Variants in FIGNL2 observed in about 807,000 individuals in gnomAD.
The protein encoded by FIGNL2 is fidgetin like 2.
For synonymous variants in FIGNL2, 565 were observed against 484.0 expected (o/e 1.17, Z -2.20); for missense variants, 1,060 against 950.2 (o/e 1.12, Z -1.52).
Position 51,848,648 on chromosome 12 carries a change from G to A in FIGNL2, c.-120C>T, listed in dbSNP as rs1383034022. ...GGGGGCGACAGGCCTGGGCTGGGGG[G>A]CAGTGGCGCTCACCATCCTGGAGCC... On this transcript the variant is annotated 5_prime_UTR_variant, in exon 1 of 2. Transcript: ENST00000618634. 8.8e-6 allele frequency: 5 copies of A among 569,300 alleles called. No homozygotes were observed. The highest frequency in any genetic ancestry group is 1.4e-4 in the East Asian group (1 of 6,944). The allele number at this position is 569,300 out of a possible 1,614,324, so 35.3% of individuals were successfully genotyped here.
At chr12:51,846,625 G>A (rs1402039078) in intron 1 of FIGNL2, among the ~76,000 whole-genome samples, 1 of 151,764 alleles carries the variant, frequency 6.6e-6, no homozygotes, top group East Asian at 1.9e-4. Flanking sequence ...GGGATCCTCA[G>A]CCCAGCCCTC....
intron 1 of FIGNL2, among the ~76,000 whole-genome samples, chr12:51,830,516 G>T (rs1485660913): frequency 1.4e-5 from 2 of 141,128 alleles, no homozygotes; most frequent in Middle Eastern, 3.7e-3. Context: ...TTTTGAGATG[G>T]AGTCTCACAC....
chr12:51,821,682 C>T lies in FIGNL2; in HGVS notation c.732G>A (p.Pro244=), dbSNP rs1350544945. The change falls in exon 2 of 2, where the codon CCG becomes CCA. Residue 244 remains proline, a synonymous_variant. Coordinates refer to ENST00000618634, the MANE Select transcript of FIGNL2 (RefSeq NM_001384995.1). ...GGAAGCCATAGGCGGTGGGCGGTGC[C>T]GGCGCGGGCAGGGGCGTGGGCGCGG... The part of the protein sequence containing the change: ...GLPAPTPLPA[P]APPTAYGFPT... 8 of 1,360,356 alleles carry T rather than the reference C, an allele frequency of 5.9e-6. No individual in the cohort carries two copies. The highest frequency in any genetic ancestry group is 7.5e-6 in the Non-Finnish European group (8 of 1,063,412). The allele number at this position is 1,360,356 out of a possible 1,614,324, so 84.3% of individuals were successfully genotyped here.
chr12:51,820,986 G>C lies in FIGNL2; in HGVS notation c.1428C>G (p.Ala476=). The change falls in exon 2 of 2, where the codon GCC becomes GCG. Residue 476 remains alanine, a synonymous_variant. Transcript: ENST00000618634. ...AAEGARLLQA[A]FAAARCRPPS... ...GTGGGCGGCAGCGCGCGGCCGCGAA[G>C]GCGGCCTGGAGGAGGCGCGCGCCCT... is the stretch of plus-strand genomic sequence containing the variant. The C allele has an allele frequency of 8.3e-7, 1 of 1,211,694 alleles. No homozygotes were observed. Among genetic ancestry groups the C allele is most frequent in the Non-Finnish European group, 1.0e-6 (1 of 977,226 alleles). 75.1% of individuals were successfully genotyped at this position (1,211,694 alleles called of 1,614,324 possible).
intron 1 of FIGNL2, among the ~76,000 whole-genome samples, chr12:51,830,571 A>G (rs1390617088): frequency 6.9e-6 from 1 of 145,324 alleles, no homozygotes. Flanking sequence ...GGCTCACTGC[A>G]ACCTCCCCCT....
In FIGNL2 at chr12:51,821,096, G is replaced by A. The variant is rs1408226823; in HGVS notation, c.1318C>T (p.Leu440=). ...LFGPRGAGKA[L]LGRCLATQLG... ...TGCGTGGCGAGGCAGCGGCCCAGCA[G>A]CGCTTTGCCCGCGCCCCGCGGCCCA... Residue 440 remains leucine, a synonymous_variant, in exon 2 of 2, where the codon CTG becomes TTG. Coordinates refer to ENST00000618634, the MANE Select transcript of FIGNL2 (RefSeq NM_001384995.1). 1 of 1,366,442 alleles carries A rather than the reference G, an allele frequency of 7.3e-7. No homozygotes were observed. The highest frequency in any genetic ancestry group is 9.3e-7 in the Non-Finnish European group (1 of 1,070,010). 84.6% of individuals were successfully genotyped at this position (1,366,442 alleles called of 1,614,324 possible).
intron 1 of FIGNL2, among the ~76,000 whole-genome samples, chr12:51,839,292 T>C (rs1290089158): frequency 3.9e-5 from 6 of 152,060 alleles, no homozygotes; most frequent in Admixed American, 3.9e-4. Context: ...GGAAAACATC[T>C]CCACCTCCTC....
At chr12:51,832,938 C>T (rs1939499715) in intron 1 of FIGNL2, among the ~76,000 whole-genome samples, 1 of 152,206 alleles carries the variant, frequency 6.6e-6, no homozygotes, top group Admixed American at 6.5e-5. Flanking sequence ...ACCTTGCGGT[C>T]ATCCTTAACT....
At chr12:51,835,995 T>G (rs1939573087) in intron 1 of FIGNL2, among the ~76,000 whole-genome samples, 2 of 152,110 alleles carry the variant, frequency 1.3e-5, no homozygotes, top group Middle Eastern at 3.4e-3. Flanking sequence ...ATTTTTAGTA[T>G]AGACAGGGTT....
At chr12:51,831,864 A>G (rs1939478899) in intron 1 of FIGNL2, 1 of 154,104 alleles carries the variant, frequency 6.5e-6, no homozygotes, top group Non-Finnish European at 1.5e-5. Context: ...TTTTTGAGAC[A>G]AGGTCTTGCT....
chr12:51,848,336 C>G (rs1415635739), intron 1 of FIGNL2: 28 of 982,862 alleles, frequency 2.8e-5, no homozygotes, highest in Non-Finnish European at 3.1e-5. Context: ...CCCCCTCCCC[C>G]CGAGAAGTGA....
At position 51,822,303 on chromosome 12, in the gene FIGNL2, C is replaced by G; in HGVS notation, c.111G>C (p.Gly37=). ...SPAHKLELPP[G]GRQRCHYAWA... ...AAGCGTAGTGGCAGCGTTGGCGACC[C>G]CCAGGGGGCAACTCCAACTTGTGGG... is the stretch of plus-strand genomic sequence containing the variant. Residue 37 remains glycine (G), a synonymous_variant, in exon 2 of 2, where the codon GGG becomes GGC. Coordinates refer to ENST00000618634, the MANE Select transcript of FIGNL2 (RefSeq NM_001384995.1). The G allele has an allele frequency of 3.7e-6, 6 of 1,612,218 alleles. No homozygotes were observed. Among genetic ancestry groups the G allele is most frequent in the Non-Finnish European group, 5.1e-6 (6 of 1,179,320 alleles).
rs1048229333 is a variant in FIGNL2 at position 51,848,580 on chromosome 12, T to C, written c.-52A>G. The C allele has an allele frequency of 5.1e-6, 5 of 978,744 alleles. No individual in the cohort carries two copies. The highest frequency in any genetic ancestry group is 1.8e-5 in the African/African-American group (1 of 56,496). The allele number at this position is 978,744 out of a possible 1,614,324, so 60.6% of individuals were successfully genotyped here. On this transcript the variant is annotated 5_prime_UTR_variant, in exon 1 of 2. Coordinates refer to ENST00000618634, the MANE Select transcript of FIGNL2 (RefSeq NM_001384995.1). ...GGGTCCTAGGTGAGTGTGCGCGGCCTGGGGGCGCGTCCGGCCCGGGGACCG... is the reference window on the plus strand; with the variant it reads ...GGGTCCTAGGTGAGTGTGCGCGGCCCGGGGGCGCGTCCGGCCCGGGGACCG...
intron 1 of FIGNL2, among the ~76,000 whole-genome samples, chr12:51,843,171 CGCGGGAGCAGCTGAGGT>C (rs1939689281): frequency 6.6e-6 from 1 of 152,102 alleles, no homozygotes; most frequent in South Asian, 2.1e-4. Context: ...GCTGGACACC[CGCGGGAGCAGCTGAGGT>C]TCACCCAGAG....
At chr12:51,827,874 T>C (rs999003725) in intron 1 of FIGNL2, among the ~76,000 whole-genome samples, 12 of 152,204 alleles carry the variant, frequency 7.9e-5, no homozygotes, top group African/African-American at 2.7e-4. Flanking sequence ...AATACTGTTA[T>C]TGTCATCCCC....
At chr12:51,829,945 T>C (rs2138984812) in intron 1 of FIGNL2, among the ~76,000 whole-genome samples, 1 of 152,142 alleles carries the variant, frequency 6.6e-6, no homozygotes, top group Middle Eastern at 3.4e-3. Context: ...AGAGATCTAT[T>C]GTTAAATATG....
In FIGNL2 at chr12:51,820,408, G is replaced by A. The variant is rs760147863; in HGVS notation, c.*44C>T. The A allele has an allele frequency of 3.4e-5, 53 of 1,552,208 alleles. No homozygotes were observed. The highest frequency in any genetic ancestry group is 4.4e-5 in the Non-Finnish European group (51 of 1,156,664). On this transcript the variant is annotated 3_prime_UTR_variant, in exon 2 of 2. Coordinates refer to ENST00000618634, the MANE Select transcript of FIGNL2 (RefSeq NM_001384995.1). The stretch of plus-strand genomic sequence containing the variant: ...GACATCCCTCCCACGCGGAGGCGGC[G>A]GGGACGGAGGGACTGCGGCTCCCGC...
chr12:51,830,437 A>C, intron 1 of FIGNL2, among the ~76,000 whole-genome samples: 1 of 152,038 alleles, frequency 6.6e-6, no homozygotes, highest in Admixed American at 6.6e-5. Context: ...TTTGTATACC[A>C]TAAATATACC....
chr12:51,820,335 C>G lies in FIGNL2; in HGVS notation c.*117G>C. The G allele has an allele frequency of 7.4e-7, 1 of 1,348,188 alleles. No individual in the cohort carries two copies. The highest frequency in any genetic ancestry group is 9.9e-7 in the Non-Finnish European group (1 of 1,014,144). 83.5% of individuals were successfully genotyped at this position (1,348,188 alleles called of 1,614,324 possible). A position where few individuals can be genotyped will look rare whatever the true frequency, so the allele number is the denominator to read the frequency against. The stretch of plus-strand genomic sequence containing the variant: ...TCCACCGGCAGACCCCTCCTGTCCC[C>G]GATCCCACATTCACCACTCCAGCCC... On this transcript the variant is annotated 3_prime_UTR_variant, in exon 2 of 2. Transcript: ENST00000618634.
Sources: allele counts gnomAD v4.1 joint callset (sites outside exome capture counted in the v4.1 genomes callset), GRCh38; gene constraint gnomAD v4.1.1; transcripts MANE v1.5; gene names NCBI Gene and HGNC (gene_info 2026-07-23, HGNC 2026-07-21).